ARHGEF38: variants seen among roughly 807,000 people sequenced by gnomAD.
ARHGEF38 encodes the protein Rho guanine nucleotide exchange factor 38, also known as Rho guanine nucleotide exchange factor (GEF) 38.
Under a neutral mutation model 79.9 loss-of-function variants are expected in ARHGEF38, and 79 were observed. The ratio of observed to expected loss-of-function variants is 0.99; its 90% CI spans 0.82 to 1.19. The LOEUF (loss-of-function observed/expected upper bound fraction) is 1.19. ARHGEF38 is among the 50% of genes most tolerant of loss of function. The pLI, the probability that ARHGEF38 is intolerant of heterozygous loss-of-function variation, is 0.00. For synonymous variants in ARHGEF38, 366 were observed against 328.3 expected (o/e 1.11, Z -1.24); for missense variants, 962 against 907.2 (o/e 1.06, Z -0.78).
At chr4:105,554,736 A>G (rs542551314) in intron 1 of ARHGEF38, among the ~76,000 whole-genome samples, 4 of 118,074 alleles carry the variant, frequency 3.4e-5, no homozygotes. Context: ...TGTTGTTGGG[A>G]GATTGAAATT....
At chr4:105,668,994 C>T (rs972186287) in intron 13 of ARHGEF38, among the ~76,000 whole-genome samples, 3 of 152,018 alleles carry the variant, frequency 2.0e-5, no homozygotes, top group Non-Finnish European at 2.9e-5. Flanking sequence ...TGCAGTGAGC[C>T]GTGATCATGC....
In ARHGEF38 at chr4:105,589,445, T is replaced by C. The variant is rs185075193; in HGVS notation, c.384+10T>C. ...CCTGAGAAATAAAAAGGTAAATATA[T>C]ATTTGAGATTTTTTTTTCTCTCCCA... On this transcript the variant is annotated intron_variant, in intron 2 of 13. Transcript: ENST00000420470. 3.5e-4 allele frequency: 562 copies of C among 1,594,196 alleles called. 1 individual carries two copies. Among genetic ancestry groups the C allele is most frequent in the South Asian group, 7.0e-4 (61 of 87,390 alleles).
chr4:105,609,643 G>A (rs937422239), intron 2 of ARHGEF38, among the ~76,000 whole-genome samples: 8 of 151,870 alleles, frequency 5.3e-5, no homozygotes, highest in African/African-American at 1.4e-4. Context: ...ACCCTGAAGC[G>A]CCAAAGCAAC....
At chr4:105,666,707 A>AG (rs1264778015) in intron 11 of ARHGEF38, among the ~76,000 whole-genome samples, 4 of 152,036 alleles carry the variant, frequency 2.6e-5, no homozygotes, top group Non-Finnish European at 5.9e-5. Context: ...GCCCGAGCTG[A>AG]GGGGGGGAGT....
At chr4:105,631,656 A>G (rs747852737) in intron 4 of ARHGEF38, 51 of 984,136 alleles carry the variant, frequency 5.2e-5, no homozygotes, top group African/African-American at 7.0e-5. Flanking sequence ...AAGTATGTGT[A>G]AGATAAAAAC....
chr4:105,650,125 C>G (rs192075301), intron 7 of ARHGEF38, among the ~76,000 whole-genome samples: 177 of 152,256 alleles, frequency 1.2e-3, no homozygotes, highest in African/African-American at 4.1e-3. Context: ...TATATCATCA[C>G]CTTGTATGGT....
At chr4:105,563,426 A>ATTTCC (rs1725733609) in intron 1 of ARHGEF38, 1 of 152,246 alleles carries the variant, frequency 6.6e-6, no homozygotes, top group Admixed American at 6.5e-5. Flanking sequence ...ACAAACACCA[A>ATTTCC]CTGAACATCT....
chr4:105,638,987 T>C (rs1729512114), intron 5 of ARHGEF38, among the ~76,000 whole-genome samples: 1 of 152,034 alleles, frequency 6.6e-6, no homozygotes, highest in African/African-American at 2.4e-5. Flanking sequence ...TTGATACTTA[T>C]TGTCAGAACA....
At chr4:105,589,167 G>A in intron 1 of ARHGEF38, 81 bp from the exon 2 acceptor site, 2 of 1,157,902 alleles carry the variant, frequency 1.7e-6, no homozygotes, top group Non-Finnish European at 2.4e-6. Flanking sequence ...TGTTAACAAA[G>A]TCCTTCGAAG....
intron 3 of ARHGEF38, among the ~76,000 whole-genome samples, chr4:105,621,890 G>T (rs1422406061): frequency 2.0e-5 from 3 of 152,110 alleles, no homozygotes; most frequent in South Asian, 4.1e-4. Flanking sequence ...TGCAACAGTT[G>T]GAAGATCAGA....
intron 1 of ARHGEF38, among the ~76,000 whole-genome samples, chr4:105,572,760 T>G (rs1330846215): frequency 6.6e-6 from 1 of 152,218 alleles, no homozygotes; most frequent in East Asian, 1.9e-4. Context: ...TTTCTGAATA[T>G]TACACATTTT....
At chr4:105,601,646 C>T (rs73837044) in intron 2 of ARHGEF38, among the ~76,000 whole-genome samples, 1,584 of 152,148 alleles carry the variant, frequency 0.01, 26 homozygotes, top group African/African-American at 0.036. Flanking sequence ...CTAAGGGATG[C>T]TCCTGGGGGT....
chr4:105,580,823 C>T (rs1726751917), intron 1 of ARHGEF38, among the ~76,000 whole-genome samples: 1 of 151,846 alleles, frequency 6.6e-6, no homozygotes, highest in Non-Finnish European at 1.5e-5. Flanking sequence ...AGCAATTCTC[C>T]ACCACTAAGC....
chr4:105,586,947 A>G (rs1727081865), intron 1 of ARHGEF38, among the ~76,000 whole-genome samples: 2 of 150,740 alleles, frequency 1.3e-5, no homozygotes, highest in African/African-American at 4.9e-5. Context: ...AATACATCAA[A>G]ATATTATGTT....
intron 1 of ARHGEF38, among the ~76,000 whole-genome samples, chr4:105,560,617 A>C (rs1373468240): frequency 6.6e-6 from 1 of 152,208 alleles, no homozygotes; most frequent in African/African-American, 2.4e-5. Context: ...ACTTTGTCCA[A>C]GGTTTTCTGA....
intron 2 of ARHGEF38, among the ~76,000 whole-genome samples, chr4:105,596,430 T>C (rs1326755892): frequency 6.6e-6 from 1 of 152,056 alleles, no homozygotes; most frequent in Non-Finnish European, 1.5e-5. Flanking sequence ...GAAGGCTGCG[T>C]GTGAGGAGGG....
At chr4:105,567,064 A>G (rs553113826) in intron 1 of ARHGEF38, among the ~76,000 whole-genome samples, 2 of 152,208 alleles carry the variant, frequency 1.3e-5, no homozygotes, top group East Asian at 1.9e-4. Flanking sequence ...ATCTATCTTC[A>G]TGAGTTCAGT....
chr4:105,582,905 ATTTTTGCCTTAAAGTC>A (rs1325431338), intron 1 of ARHGEF38, among the ~76,000 whole-genome samples: 2 of 152,070 alleles, frequency 1.3e-5, no homozygotes, highest in African/African-American at 4.8e-5. Flanking sequence ...GCCCACTTTT[ATTTTTGCCTTAAAGTC>A]TATTTTATCT....
rs140706608 is a variant in ARHGEF38, at chr4:105,591,259, C to T, written c.384+1824C>T. On this transcript the variant is annotated intron_variant, in intron 2 of 13. Coordinates refer to ENST00000420470, the MANE Select transcript of ARHGEF38 (RefSeq NM_001242729.2). ...TTTGTTTTGTTTTGTGACAGAGTCT[C>T]GCTCTGTCACCCAGGCTGGAGTGCA... Among the ~76,000 whole-genome samples the T allele has an allele frequency of 8.6e-3, 1,306 of 152,190 alleles. 28 individuals are homozygous for T. Among genetic ancestry groups the T allele is most frequent in the African/African-American group, 0.03 (1,231 of 41,524 alleles).
Sources: allele counts gnomAD v4.1 joint callset (sites outside exome capture counted in the v4.1 genomes callset), GRCh38; gene constraint gnomAD v4.1.1; transcripts MANE v1.5; gene names NCBI Gene and HGNC (gene_info 2026-07-23, HGNC 2026-07-21).